Variants in A2ML1 observed in about 807,000 individuals in gnomAD.
The protein encoded by A2ML1 is alpha-2-macroglobulin like 1, also known as alpha-2-macroglobulin-like protein 1.
A neutral mutation model predicts 181.9 loss-of-function variants in A2ML1; 161 were observed. The ratio of observed to expected loss-of-function variants is 0.89; its 90% CI spans 0.78 to 1.01. The LOEUF is 1.01. A2ML1 is among the 50% of genes least tolerant of loss of function. The pLI, the probability that A2ML1 is intolerant of heterozygous loss-of-function variation, is 0.00. For missense variants in A2ML1, 1,670 were observed against 1,768.1 expected, an observed-to-expected ratio of 0.94 and a Z score of 1.00; for synonymous variants, 663 against 666.8, an observed-to-expected ratio of 0.99 and a Z score of 0.09.
chr12:8,879,575 G>A (rs1944850249), downstream of A2ML1, among the ~76,000 whole-genome samples: 1 of 152,088 alleles, frequency 6.6e-6, no homozygotes, highest in South Asian at 2.1e-4. Context: ...TGGGTCTGCA[G>A]CACTTACCAG....
At position 8,850,524 on chromosome 12, in the gene A2ML1, G is replaced by A. The variant is rs145293798; in HGVS notation, c.2234+250G>A. On this transcript the variant is annotated intron_variant, in intron 18 of 35. Coordinates refer to ENST00000299698, the MANE Select transcript of A2ML1 (RefSeq NM_144670.6). The stretch of plus-strand genomic sequence containing the variant: ...GGAGGTGGAGGCTGCAGTGAAGCAA[G>A]ATCACATTGCTTCACTCCTGCTTGG... 5.4e-3 allele frequency among the ~76,000 whole-genome samples: 815 copies of A among 152,176 alleles called. 6 individuals are homozygous for A. Among genetic ancestry groups the A allele is most frequent in the African/African-American group, 0.018 (743 of 41,512 alleles).
chr12:8,862,576 T>C (rs1054019910), intron 28 of A2ML1, among the ~76,000 whole-genome samples: 2 of 152,238 alleles, frequency 1.3e-5, no homozygotes, highest in African/African-American at 4.8e-5. Flanking sequence ...ATGCATTTCA[T>C]TTATCTGGCT....
At chr12:8,828,592 C>A (rs1180923809) in intron 3 of A2ML1, among the ~76,000 whole-genome samples, 6 of 152,106 alleles carry the variant, frequency 3.9e-5, no homozygotes, top group African/African-American at 1.4e-4. Flanking sequence ...TGGTGCTGTA[C>A]CCCACTGTGG....
intron 7 of A2ML1, among the ~76,000 whole-genome samples, chr12:8,882,448 A>T (rs1944880744): frequency 6.6e-6 from 1 of 152,126 alleles, no homozygotes; most frequent in Non-Finnish European, 1.5e-5. Context: ...AATATGTCAC[A>T]TTTGGAGCAC....
chr12:8,857,945 G>C lies in A2ML1; in HGVS notation c.3108-1G>C. On this transcript the variant is annotated splice_acceptor_variant, in intron 25 of 35. Coordinates refer to ENST00000299698, the MANE Select transcript of A2ML1 (RefSeq NM_144670.6). LOFTEE classifies it high-confidence loss of function. The stretch of plus-strand genomic sequence containing the variant: ...CCATATTTTCCTCTTTACCCATGTA[G>C]GCTGACAGCGTTTGTCACAAAATGC... The C allele has an allele frequency of 6.2e-7, 1 of 1,613,874 alleles. No individual in the cohort carries two copies. The highest frequency in any genetic ancestry group is 8.5e-7 in the Non-Finnish European group (1 of 1,179,942).
chr12:8,872,845 A>G (rs766943863), intron 33 of A2ML1, among the ~76,000 whole-genome samples: 4 of 152,140 alleles, frequency 2.6e-5, no homozygotes, highest in Non-Finnish European at 5.9e-5. Context: ...AAAAATAAGA[A>G]TGGTGACATT....
At position 8,826,896 on chromosome 12, in the gene A2ML1, C is replaced by T. The variant is rs117509119; in HGVS notation, c.410-2831C>T. On this transcript the variant is annotated intron_variant, in intron 3 of 35. Transcript: ENST00000299698. ...AGCCTCCCAAAGTGCTGGGGTTACA[C>T]GCGTAAGCCACCACGTCTGTCTTCT... Among the ~76,000 whole-genome samples the T allele has an allele frequency of 6.5e-3, 984 of 152,076 alleles. 7 individuals carry two copies. The highest frequency in any genetic ancestry group is 0.019 in the African/African-American group (807 of 41,488).
At chr12:8,844,217 T>G (rs778266380) in intron 12 of A2ML1, among the ~76,000 whole-genome samples, 23 of 149,242 alleles carry the variant, frequency 1.5e-4, no homozygotes, top group African/African-American at 5.4e-4. Flanking sequence ...CAAAACCAGC[T>G]GGGTGGTTGG....
intron 7 of A2ML1, 52 bp downstream of exon 7, chr12:8,836,391 A>C (rs751739174): frequency 1.3e-6 from 2 of 1,495,496 alleles, no homozygotes; most frequent in Non-Finnish European, 1.9e-6. Flanking sequence ...ATCGAGAGAC[A>C]TGATGAGGGG....
rs117344618 is a variant in A2ML1 at position 8,863,545 on chromosome 12, G to A, written c.3503-249G>A. 5.4e-3 allele frequency among the ~76,000 whole-genome samples: 817 copies of A among 152,288 alleles called. 2 individuals are homozygous for A. Among genetic ancestry groups the A allele is most frequent in the Non-Finnish European group, 9.2e-3 (628 of 68,028 alleles). On this transcript the variant is annotated intron_variant, in intron 28 of 35. Coordinates refer to ENST00000299698, the MANE Select transcript of A2ML1 (RefSeq NM_144670.6). ...AGCATCAAAACTGATAAATTAACAA[G>A]GGTGGTTTTCATGTAATTGCTGGAG...
intron 11 of A2ML1, 90 bp downstream of exon 11, chr12:8,841,626 G>A: frequency 7.5e-7 from 1 of 1,336,282 alleles, no homozygotes; most frequent in South Asian, 1.5e-5. Flanking sequence ...TCTCCCCTCT[G>A]CTTGGAATTA....
chr12:8,831,735 G>A (rs1053926118), intron 4 of A2ML1, among the ~76,000 whole-genome samples: 5 of 150,420 alleles, frequency 3.3e-5, no homozygotes, highest in South Asian at 4.2e-4. Context: ...TGGAAATCGA[G>A]TTTTTTTTTG....
intron 4 of A2ML1, chr12:8,830,563 T>A (rs1943078213): frequency 6.6e-6 from 1 of 152,148 alleles, no homozygotes; most frequent in South Asian, 2.1e-4. Flanking sequence ...AATATTTGAT[T>A]TTTCCTTGGA....
intron 7 of A2ML1, among the ~76,000 whole-genome samples, chr12:8,884,268 T>C (rs1447360691): frequency 1.3e-5 from 2 of 151,516 alleles, no homozygotes; most frequent in East Asian, 3.9e-4. Context: ...CTATTTTCCT[T>C]TTTTTTAACT....
At chr12:8,848,093 C>A (rs1388098426) in intron 15 of A2ML1, among the ~76,000 whole-genome samples, 3 of 148,926 alleles carry the variant, frequency 2.0e-5, no homozygotes, top group Non-Finnish European at 4.5e-5. Context: ...GTATCATTGC[C>A]CTCCAGCCTG....
intron 6 of A2ML1, among the ~76,000 whole-genome samples, chr12:8,836,014 A>C: frequency 7.4e-6 from 1 of 135,666 alleles, no homozygotes; most frequent in East Asian, 2.1e-4. Flanking sequence ...CTCCGTCTCA[A>C]AAAAAAAAAA....
intron 26 of A2ML1, 59 bp from the exon 27 acceptor site, chr12:8,860,822 C>T: frequency 1.4e-6 from 2 of 1,456,396 alleles, no homozygotes; most frequent in Non-Finnish European, 1.9e-6. Context: ...GCAATCTGCA[C>T]ATAATTCTTG....
intron 15 of A2ML1, among the ~76,000 whole-genome samples, 180 bp from the exon 16 acceptor site, chr12:8,848,540 T>C (rs1943781230): frequency 6.6e-6 from 1 of 151,026 alleles, no homozygotes; most frequent in South Asian, 2.1e-4. Context: ...ATAGGTGAGA[T>C]AGAGGTTAAA....
chr12:8,876,594 A>G lies in A2ML1; in HGVS notation c.*538A>G, dbSNP rs1268769707. ...AGGCCAAGGCAGGAGAATCGCCTCA[A>G]CACTGGAGGTGGAGGTTGCAGTGAG... On this transcript the variant is annotated 3_prime_UTR_variant, in exon 36 of 36. Coordinates refer to ENST00000299698, the MANE Select transcript of A2ML1 (RefSeq NM_144670.6). 2.0e-5 allele frequency: 3 copies of G among 152,218 alleles called. No individual in the cohort carries two copies. The highest frequency in any genetic ancestry group is 7.2e-5 in the African/African-American group (3 of 41,432). 9.4% of individuals were successfully genotyped at this position (152,218 alleles called of 1,614,324 possible).
Sources: gnomAD v4.1 joint callset for allele counts (sites outside exome capture counted in the v4.1 genomes callset) on GRCh38, gnomAD v4.1.1 for gene constraint, MANE v1.5 for transcripts, NCBI Gene and HGNC (gene_info 2026-07-23, HGNC 2026-07-21) for gene names.